Variants in GAS7 observed in about 807,000 individuals in gnomAD.
The protein encoded by GAS7 is growth arrest-specific protein 7.
Under a neutral mutation model 71.1 loss-of-function variants are expected in GAS7, and 28 were observed. That is an observed-to-expected ratio of 0.39 (90% confidence interval 0.29 to 0.54). The LOEUF (loss-of-function observed/expected upper bound fraction) is 0.54. Among genes scored for constraint, GAS7 ranks in the 20% least tolerant of loss-of-function variants. GAS7 has a pLI of 0.62. For missense variants in GAS7, 436 were observed against 627.8 expected (o/e 0.69, Z 3.27); for synonymous variants, 258 against 245.8 (o/e 1.05, Z -0.46).
intron 4 of GAS7, among the ~76,000 whole-genome samples, chr17:9,967,179 T>G (rs1015838026): frequency 3.3e-5 from 5 of 152,036 alleles, no homozygotes; most frequent in Admixed American, 6.6e-5. Flanking sequence ...TAGCTTTTTT[T>G]TTTTTTTTTA....
intron 1 of GAS7, among the ~76,000 whole-genome samples, chr17:10,141,332 C>T (rs1567607959): frequency 1.3e-5 from 2 of 152,106 alleles, no homozygotes; most frequent in Admixed American, 6.5e-5. Context: ...CCTGTAGTCC[C>T]AGCTACTCGG....
intron 7 of GAS7, 67 bp downstream of exon 7, chr17:9,943,054 C>G: frequency 1.0e-6 from 1 of 1,001,682 alleles, no homozygotes; most frequent in South Asian, 1.3e-5. Flanking sequence ...TGTCGCCCCG[C>G]CCCGGCCACG....
At position 9,929,679 on chromosome 17, in the gene GAS7, A is replaced by G. The variant is rs563533275; in HGVS notation, c.886-2910T>C. 1.6e-4 allele frequency among the ~76,000 whole-genome samples: 24 copies of G among 152,076 alleles called. 1 individual carries two copies. Among genetic ancestry groups the G allele is most frequent in the South Asian group, 1.5e-3 (7 of 4,820 alleles). On this transcript the variant is annotated intron_variant, in intron 9 of 13. Coordinates refer to ENST00000432992, the MANE Select transcript of GAS7 (RefSeq NM_201433.2). ...TTTTTAGTAGAGACGGGGTTTCACC[A>G]TGTTAGCCAGGATGGTCTTGATCTC...
intron 1 of GAS7, among the ~76,000 whole-genome samples, chr17:10,139,928 C>T (rs544484697): frequency 6.6e-6 from 1 of 152,202 alleles, no homozygotes; most frequent in African/African-American, 2.4e-5. Context: ...AGGTCCATGA[C>T]ACAGGGCCCC....
chr17:10,073,692 A>C (rs2073364034), intron 1 of GAS7, among the ~76,000 whole-genome samples: 1 of 152,168 alleles, frequency 6.6e-6, no homozygotes, highest in South Asian at 2.1e-4. Context: ...ACCAGTGCAC[A>C]AGGGAATTTC....
chr17:10,041,016 G>A (rs1016100116), intron 1 of GAS7, among the ~76,000 whole-genome samples: 1 of 152,076 alleles, frequency 6.6e-6, no homozygotes, highest in Non-Finnish European at 1.5e-5. Context: ...ACAAAAATTA[G>A]CCAGGCGTGG....
intron 8 of GAS7, among the ~76,000 whole-genome samples, chr17:9,938,559 C>T (rs2068484323): frequency 1.3e-5 from 2 of 150,840 alleles, no homozygotes; most frequent in Non-Finnish European, 2.9e-5. Context: ...TGCATGAACA[C>T]ACAATCAGAA....
chr17:10,195,743 C>T (rs796119960), intron 1 of GAS7, among the ~76,000 whole-genome samples: 4 of 152,240 alleles, frequency 2.6e-5, no homozygotes, highest in African/African-American at 9.6e-5. Flanking sequence ...GGGACCTCTG[C>T]ATTCTCTGAG....
chr17:9,981,986 GAC>G lies in GAS7; in HGVS notation c.305-104_305-103del. 1 of 721,840 alleles carries G rather than the reference GAC, an allele frequency of 1.4e-6. No homozygotes were observed. Among genetic ancestry groups the G allele is most frequent in the Non-Finnish European group, 2.5e-6 (1 of 400,468 alleles). 44.7% of individuals were successfully genotyped at this position (721,840 alleles called of 1,614,324 possible). On this transcript the variant is annotated intron_variant, in intron 2 of 13. Transcript: ENST00000432992. This position sits in a 1 kb window ranked among gnomAD's most constrained non-coding sequence, Gnocchi z 4.4. The stretch of plus-strand genomic sequence containing the variant: ...ATGCTCAGAGCTGGAGAAAAAGAGA[GAC>G]AGCCAATCGCCCTCCTCCCCAACCC...
Position 10,080,173 on chromosome 17 carries a change from C to A in GAS7, c.184-60276G>T, listed in dbSNP as rs372595429. Among the ~76,000 whole-genome samples, 3 of 152,270 alleles carry A rather than the reference C, an allele frequency of 2.0e-5. No individual in the cohort carries two copies. In the East Asian group the frequency reaches 5.8e-4, roughly 29 times the overall value. ...AAACCCACCAAAACCAAGATGGCAA[C>A]AAAACTGACCTCTGGTCATCCTCGC... On this transcript the variant is annotated intron_variant, in intron 1 of 13. Coordinates refer to ENST00000432992, the MANE Select transcript of GAS7 (RefSeq NM_201433.2).
At chr17:10,093,397 C>T (rs2073605666) in intron 1 of GAS7, among the ~76,000 whole-genome samples, 1 of 151,566 alleles carries the variant, frequency 6.6e-6, no homozygotes, top group Non-Finnish European at 1.5e-5. Flanking sequence ...TGGTAAAACC[C>T]AGTCTCTACT....
At chr17:9,925,252 G>A (rs995199757) in intron 11 of GAS7, among the ~76,000 whole-genome samples, 5 of 152,190 alleles carry the variant, frequency 3.3e-5, no homozygotes, top group Non-Finnish European at 5.9e-5. Context: ...GAACTAGCCC[G>A]GCCTGTGTCC....
chr17:9,989,173 A>G (rs181373411), intron 2 of GAS7, among the ~76,000 whole-genome samples: 6 of 152,194 alleles, frequency 3.9e-5, no homozygotes, highest in Admixed American at 3.3e-4. Flanking sequence ...GGCCTCAGTG[A>G]GAAGTGGCAT....
chr17:9,975,084 G>A (rs750333817), intron 3 of GAS7, among the ~76,000 whole-genome samples: 1 of 152,220 alleles, frequency 6.6e-6, no homozygotes, highest in Non-Finnish European at 1.5e-5. Flanking sequence ...ACTGGGAGCG[G>A]TGGCTCACGC....
chr17:10,036,435 A>T, intron 1 of GAS7: 1 of 1,609,810 alleles, frequency 6.2e-7, no homozygotes, highest in Non-Finnish European at 8.5e-7. Flanking sequence ...AATTCTTACC[A>T]TCAGAGAACA....
intron 1 of GAS7, among the ~76,000 whole-genome samples, chr17:10,169,857 T>C (rs2074323141): frequency 6.6e-6 from 1 of 152,192 alleles, no homozygotes; most frequent in South Asian, 2.1e-4. Context: ...TACTTGAACA[T>C]ATATAGGAAT....
chr17:10,119,158 C>T (rs2073886143), intron 1 of GAS7, among the ~76,000 whole-genome samples: 1 of 152,048 alleles, frequency 6.6e-6, no homozygotes, highest in African/African-American at 2.4e-5. Flanking sequence ...ACACTAAACA[C>T]AATAAAAAAG....
chr17:9,934,244 G>A lies in GAS7; in HGVS notation c.807C>T (p.Gly269=). 6.2e-7 allele frequency: 1 copy of A among 1,604,240 alleles called. No individual in the cohort carries two copies. Among genetic ancestry groups the A allele is most frequent in the South Asian group, 1.1e-5 (1 of 90,396 alleles). Residue 269 remains glycine (G), a splice_region_variant and synonymous_variant, in exon 9 of 14, where the codon GGC becomes GGT. Coordinates refer to ENST00000432992, the MANE Select transcript of GAS7 (RefSeq NM_201433.2). ...SQNSLASQEE[G]SLGEAWAQVK... ...CCTGGGCCCACGCCTCTCCCAAGGAGCTGCAACACAAAGACCATGAGACTC... is the reference window on the plus strand; with the variant it reads ...CCTGGGCCCACGCCTCTCCCAAGGAACTGCAACACAAAGACCATGAGACTC...
intron 1 of GAS7, among the ~76,000 whole-genome samples, chr17:10,107,488 A>G (rs1054504013): frequency 1.6e-4 from 24 of 152,238 alleles, no homozygotes; most frequent in Non-Finnish European, 3.2e-4. Context: ...TGCCTTACAC[A>G]CAGTCCAGTG....
Sources: gnomAD v4.1 joint callset for allele counts (sites outside exome capture counted in the v4.1 genomes callset) on GRCh38, gnomAD v4.1.1 for gene constraint, Gnocchi (gnomAD v3.1) non-coding constraint, MANE v1.5 for transcripts, NCBI Gene and HGNC (gene_info 2026-07-23, HGNC 2026-07-21) for gene names.